The following CTNNA3 variants were observed in gnomAD, a reference collection of about 807,000 sequenced individuals.
CTNNA3 encodes the protein catenin alpha-3.
In CTNNA3, 76 loss-of-function variants were observed where a neutral mutation model predicts 95.7. The ratio of observed to expected loss-of-function variants is 0.79; its 90% confidence interval spans 0.66 to 0.96. The LOEUF is 0.96. Ranked by LOEUF, CTNNA3 falls within the 40% of genes least tolerant of loss-of-function variation. The pLI is 0.00. For synonymous variants in CTNNA3, 431 were observed against 374.4 expected (o/e 1.15, Z -1.74); for missense variants, 1,191 against 1,089.8 (o/e 1.09, Z -1.31).
intron 17 of CTNNA3, among the ~76,000 whole-genome samples, chr10:65,953,995 C>T (rs1367063545): frequency 6.6e-6 from 1 of 152,182 alleles, no homozygotes; most frequent in Admixed American, 6.5e-5. Context: ...AGTTTACAGT[C>T]CCACCACCAG....
chr10:66,230,751 G>A (rs1237624293), intron 13 of CTNNA3, among the ~76,000 whole-genome samples: 1 of 152,170 alleles, frequency 6.6e-6, no homozygotes, highest in African/African-American at 2.4e-5. Context: ...CCCTGGGCAG[G>A]TGGCTCTTGG....
intron 15 of CTNNA3, among the ~76,000 whole-genome samples, chr10:66,002,630 A>T (rs2078792845): frequency 1.3e-5 from 2 of 151,820 alleles, no homozygotes; most frequent in Admixed American, 6.6e-5. Context: ...TAGTTGTTCA[A>T]GGACCTAGGT....
intron 15 of CTNNA3, among the ~76,000 whole-genome samples, chr10:66,004,876 A>G (rs1186782448): frequency 6.6e-6 from 1 of 152,208 alleles, no homozygotes; most frequent in Non-Finnish European, 1.5e-5. Context: ...TTAGTTTCTT[A>G]TCGCTGCTGT....
At chr10:67,717,116 C>T (rs1841148787) in intron 1 of CTNNA3, among the ~76,000 whole-genome samples, 1 of 152,126 alleles carries the variant, frequency 6.6e-6, no homozygotes, top group African/African-American at 2.4e-5. Context: ...CAATAAATAT[C>T]TTCTTTTGAG....
chr10:66,670,189 T>C (rs549895764), intron 9 of CTNNA3, among the ~76,000 whole-genome samples: 2 of 152,234 alleles, frequency 1.3e-5, no homozygotes, highest in Non-Finnish European at 2.9e-5. Context: ...CCATAACAAA[T>C]TACCACAAAC....
At chr10:67,301,812 C>T (rs151072344) in intron 5 of CTNNA3, among the ~76,000 whole-genome samples, 7,053 of 151,150 alleles carry the variant, frequency 0.047, 524 homozygotes, top group African/African-American at 0.16. Context: ...ACTAAAAATA[C>T]ACAAAAATTA....
At chr10:66,247,469 A>G (rs1204363505) in intron 13 of CTNNA3, among the ~76,000 whole-genome samples, 1 of 152,222 alleles carries the variant, frequency 6.6e-6, no homozygotes, top group Non-Finnish European at 1.5e-5. Context: ...AAAATCTACG[A>G]TATCAATATT....
At chr10:67,295,233 G>T (rs1476937400) in intron 5 of CTNNA3, among the ~76,000 whole-genome samples, 1 of 152,052 alleles carries the variant, frequency 6.6e-6, no homozygotes, top group Non-Finnish European at 1.5e-5. Flanking sequence ...ATTTTAAATT[G>T]TTCTCTTGAA....
intron 8 of CTNNA3, among the ~76,000 whole-genome samples, chr10:66,772,389 C>T (rs1840124344): frequency 6.7e-6 from 1 of 150,172 alleles, no homozygotes; most frequent in Admixed American, 6.6e-5. Context: ...CACACCACTG[C>T]ACTCCAGCCT....
At chr10:67,171,866 T>C (rs184875163) in intron 7 of CTNNA3, among the ~76,000 whole-genome samples, 176 of 152,270 alleles carry the variant, frequency 1.2e-3, no homozygotes, top group Non-Finnish European at 2.0e-3. Context: ...TGATTAACAT[T>C]GAAGAAAAAT....
chr10:65,914,980 T>C lies in CTNNA3; in HGVS notation c.*5350A>G, dbSNP rs1228445022. ...CAGCTTCCTTGTCTGTGGAATGATA[T>C]ATATCCTATAGGGTTATTTGGAGGA... On this transcript the variant is annotated 3_prime_UTR_variant, in exon 18 of 18. Coordinates refer to ENST00000433211, the MANE Select transcript of CTNNA3 (RefSeq NM_013266.4). 6.6e-6 allele frequency: 1 copy of C among 152,166 alleles called. No individual in the cohort carries two copies. The highest frequency in any genetic ancestry group is 2.4e-5 in the African/African-American group (1 of 41,446). 9.4% of individuals were successfully genotyped at this position (152,166 alleles called of 1,614,324 possible).
chr10:66,033,542 A>ATG lies in CTNNA3; in HGVS notation c.2159+35764_2159+35765dup, dbSNP rs569093970. 7.5e-3 allele frequency among the ~76,000 whole-genome samples: 1,132 copies of ATG among 151,190 alleles called. 14 individuals carry two copies. Among genetic ancestry groups the ATG allele is most frequent in the South Asian group, 0.018 (85 of 4,766 alleles). ...CATGTATGCACATGTGCTCATGTGT[A>ATG]TGTGTGTGTGTGTATACAATAGCAC... On this transcript the variant is annotated intron_variant, in intron 15 of 17. Coordinates refer to ENST00000433211, the MANE Select transcript of CTNNA3 (RefSeq NM_013266.4).
intron 10 of CTNNA3, among the ~76,000 whole-genome samples, chr10:66,537,771 AAT>A (rs1468035009): frequency 6.6e-6 from 1 of 151,930 alleles, no homozygotes; most frequent in Non-Finnish European, 1.5e-5. Context: ...CAGCCTGGGC[AAT>A]ATAGTGAGAC....
At chr10:66,421,915 TAC>T (rs1240552275) in intron 11 of CTNNA3, among the ~76,000 whole-genome samples, 13 of 128,914 alleles carry the variant, frequency 1.0e-4, no homozygotes, top group Admixed American at 2.3e-4. Context: ...TATATATATA[TAC>T]ACACACACAC....
rs71035114 is a variant in CTNNA3 at position 66,188,595 on chromosome 10, CTGTGTG to C, written c.1885-85352_1885-85347del. 2.8e-3 allele frequency among the ~76,000 whole-genome samples: 333 copies of C among 121,064 alleles called. 8 individuals carry two copies. The highest frequency in any genetic ancestry group is 0.01 in the African/African-American group (287 of 27,798). 79.4% of individuals were successfully genotyped at this position (121,064 alleles called of 152,430 possible). On this transcript the variant is annotated intron_variant, in intron 13 of 17. Transcript: ENST00000433211. ...GTGTGTGTGGGGGGAGGGGGGGTCT[CTGTGTG>C]TGTGTGTGTGTGTGTGTGTGTGTGT...
intron 17 of CTNNA3, among the ~76,000 whole-genome samples, chr10:65,950,799 A>G (rs2077596925): frequency 6.6e-6 from 1 of 152,208 alleles, no homozygotes; most frequent in African/African-American, 2.4e-5. Flanking sequence ...TAATTATTGT[A>G]AGGAGTACAT....
intron 5 of CTNNA3, among the ~76,000 whole-genome samples, chr10:67,231,039 C>A (rs1040375548): frequency 6.6e-6 from 1 of 152,194 alleles, no homozygotes; most frequent in African/African-American, 2.4e-5. Flanking sequence ...CACCGAGTCT[C>A]GCTGATTGCT....
At chr10:66,860,101 G>A (rs1843855090) in intron 7 of CTNNA3, among the ~76,000 whole-genome samples, 1 of 149,322 alleles carries the variant, frequency 6.7e-6, no homozygotes, top group African/African-American at 2.5e-5. Context: ...TACCAGCATG[G>A]CACATGTATA....
chr10:66,246,077 C>A (rs942244773), intron 13 of CTNNA3, among the ~76,000 whole-genome samples: 3 of 152,180 alleles, frequency 2.0e-5, no homozygotes, highest in Admixed American at 6.5e-5. Flanking sequence ...TGGGGCCTCA[C>A]CAGGGATGTA....
Sources: gnomAD v4.1 joint callset for allele counts (sites outside exome capture counted in the v4.1 genomes callset) on GRCh38, gnomAD v4.1.1 for gene constraint, MANE v1.5 for transcripts, NCBI Gene and HGNC (gene_info 2026-07-23, HGNC 2026-07-21) for gene names.